CWC27: variants seen among roughly 807,000 people sequenced by gnomAD.
CWC27 encodes spliceosome-associated protein CWC27 homolog.
In CWC27, 47 loss-of-function variants were observed where a neutral mutation model predicts 63.6. That is an observed-to-expected ratio of 0.74 (90% CI 0.58 to 0.94). The LOEUF (loss-of-function observed/expected upper bound fraction) is 0.94, where lower values mean the gene tolerates loss of function less well. Ranked by LOEUF, CWC27 falls within the 40% of genes least tolerant of loss-of-function variation. The pLI, the probability that CWC27 is intolerant of heterozygous loss-of-function variation, is 0.00. For synonymous variants in CWC27, 175 were observed against 179.8 expected, an observed-to-expected ratio of 0.97 and a Z score of 0.22; for missense variants, 495 against 554.3, an observed-to-expected ratio of 0.89 and a Z score of 1.07.
At chr5:64,871,104 T>A (rs1243873331) in intron 10 of CWC27, among the ~76,000 whole-genome samples, 1 of 152,118 alleles carries the variant, frequency 6.6e-6, no homozygotes, top group Non-Finnish European at 1.5e-5. Context: ...TAACAAAAAA[T>A]TGCAGCTTTA....
intron 2 of CWC27, among the ~76,000 whole-genome samples, chr5:64,781,285 A>G (rs1323799738): frequency 6.6e-6 from 1 of 152,100 alleles, no homozygotes; most frequent in Non-Finnish European, 1.5e-5. Flanking sequence ...GTATTGTGTT[A>G]TTTGTTTTAT....
intron 11 of CWC27, among the ~76,000 whole-genome samples, chr5:64,953,490 T>A (rs774157855): frequency 3.6e-4 from 55 of 151,956 alleles, no homozygotes; most frequent in Non-Finnish European, 7.7e-4. Context: ...AAAGAAAAAA[T>A]TTAATCAGTG....
intron 2 of CWC27, among the ~76,000 whole-genome samples, chr5:64,776,418 G>T (rs1013259251): frequency 1.3e-5 from 2 of 152,136 alleles, no homozygotes; most frequent in African/African-American, 4.8e-5. Context: ...CAATGTGACA[G>T]TGAAGAAGAA....
intron 11 of CWC27, among the ~76,000 whole-genome samples, chr5:64,905,994 CAAAGGACATG>C (rs2112370674): frequency 6.7e-6 from 1 of 150,140 alleles, no homozygotes; most frequent in African/African-American, 2.5e-5. Context: ...CATGTCCCTG[CAAAGGACATG>C]AACTCATCCT....
At chr5:64,922,749 G>C (rs1347339534) in intron 11 of CWC27, among the ~76,000 whole-genome samples, 1 of 152,212 alleles carries the variant, frequency 6.6e-6, no homozygotes, top group East Asian at 1.9e-4. Context: ...TGTGGGGGCT[G>C]ATGTTCCTTT....
At chr5:64,982,852 G>A (rs1003192208) in intron 13 of CWC27, among the ~76,000 whole-genome samples, 7 of 152,204 alleles carry the variant, frequency 4.6e-5, no homozygotes, top group East Asian at 1.9e-4. Flanking sequence ...GAACTGAGCC[G>A]CCCAGCAGGC....
At chr5:64,807,949 C>T in intron 10 of CWC27, 1 of 1,425,156 alleles carries the variant, frequency 7.0e-7, no homozygotes. Flanking sequence ...ACCTACCACT[C>T]CACTGAAACT....
chr5:64,795,565 G>T (rs1490349188), intron 7 of CWC27, among the ~76,000 whole-genome samples: 2 of 151,974 alleles, frequency 1.3e-5, no homozygotes, highest in Non-Finnish European at 2.9e-5. Context: ...TGTATTCTTT[G>T]GTGTGCCCCT....
In CWC27 at chr5:65,001,887, CAA is replaced by C. The variant is rs35436488; in HGVS notation, c.1257-16262_1257-16261del. Among the ~76,000 whole-genome samples the C allele has an allele frequency of 2.7e-3, 403 of 148,568 alleles. 2 individuals carry two copies. Among genetic ancestry groups the C allele is most frequent in the South Asian group, 0.011 (52 of 4,736 alleles). On this transcript the variant is annotated intron_variant, in intron 13 of 13. Coordinates refer to ENST00000381070, the MANE Select transcript of CWC27 (RefSeq NM_005869.4). ...TCTTCAATTTTTTGGAATAGCTTGA[CAA>C]AAAAAAAAATAGTGTGTGTTCTTTA...
At chr5:64,939,000 ATTC>A (rs776426918) in intron 11 of CWC27, among the ~76,000 whole-genome samples, 14 of 152,268 alleles carry the variant, frequency 9.2e-5, no homozygotes, top group Admixed American at 5.2e-4. Flanking sequence ...CTAGTTAGCA[ATTC>A]TTCTAACCTT....
intron 11 of CWC27, among the ~76,000 whole-genome samples, chr5:64,942,766 T>C (rs1449394641): frequency 6.6e-6 from 1 of 152,230 alleles, no homozygotes; most frequent in Non-Finnish European, 1.5e-5. Context: ...GTAGACTAAA[T>C]AATTTTTCTT....
intron 12 of CWC27, among the ~76,000 whole-genome samples, chr5:64,973,152 T>G (rs1749155624): frequency 6.6e-6 from 1 of 152,208 alleles, no homozygotes; most frequent in Admixed American, 6.5e-5. Flanking sequence ...TAACATAAAC[T>G]AAGAGAAGGA....
chr5:64,874,315 C>G (rs1343850587), intron 10 of CWC27, among the ~76,000 whole-genome samples: 2 of 151,442 alleles, frequency 1.3e-5, no homozygotes, highest in African/African-American at 2.4e-5. Flanking sequence ...GCATGTGCCA[C>G]CATGCCTGGC....
At chr5:64,823,095 C>T (rs1456630597) in intron 10 of CWC27, among the ~76,000 whole-genome samples, 6 of 152,172 alleles carry the variant, frequency 3.9e-5, no homozygotes, top group Non-Finnish European at 5.9e-5. Context: ...TTCTGAATCT[C>T]CTGCTTCCTC....
At chr5:65,011,499 G>C (rs1749956249) in intron 13 of CWC27, among the ~76,000 whole-genome samples, 1 of 152,164 alleles carries the variant, frequency 6.6e-6, no homozygotes, top group Non-Finnish European at 1.5e-5. Flanking sequence ...GAGAGTGCAG[G>C]CGTTTGTTCA....
intron 10 of CWC27, among the ~76,000 whole-genome samples, chr5:64,872,105 T>C (rs796420053): frequency 1.7e-4 from 26 of 152,236 alleles, no homozygotes; most frequent in African/African-American, 6.0e-4. Context: ...TGCATCAGTA[T>C]TGAGAGTTCA....
At chr5:64,803,508 G>T (rs775287400) in intron 9 of CWC27, among the ~76,000 whole-genome samples, 1 of 152,222 alleles carries the variant, frequency 6.6e-6, no homozygotes, top group Non-Finnish European at 1.5e-5. Flanking sequence ...AGCCAGGGAA[G>T]ATGAAAGAGT....
chr5:64,912,366 T>G (rs1331195260), intron 11 of CWC27, among the ~76,000 whole-genome samples: 1 of 151,704 alleles, frequency 6.6e-6, no homozygotes, highest in East Asian at 1.9e-4. Context: ...ATAGAAAGAG[T>G]CCTAAAGGGA....
At chr5:64,811,901 CTAAAT>C (rs1296166874) in intron 10 of CWC27, among the ~76,000 whole-genome samples, 1 of 151,932 alleles carries the variant, frequency 6.6e-6, no homozygotes, top group African/African-American at 2.4e-5. Flanking sequence ...GGATGAACAC[CTAAAT>C]TAGCTGTTAG....
Sources: allele counts gnomAD v4.1 joint callset (sites outside exome capture counted in the v4.1 genomes callset), GRCh38; gene constraint gnomAD v4.1.1; transcripts MANE v1.5; gene names NCBI Gene and HGNC (gene_info 2026-07-23, HGNC 2026-07-21).